Variants in TG observed in about 807,000 individuals in gnomAD.
TG encodes the protein thyroglobulin, also known as thyroid hormones.
A neutral mutation model predicts 324.7 loss-of-function variants in TG; 270 were observed. The observed-to-expected ratio is 0.83, with a 90% CI of 0.75 to 0.92. The LOEUF (loss-of-function observed/expected upper bound fraction) is 0.92. TG is among the 40% of genes least tolerant of loss of function. The pLI, the probability that TG is intolerant of heterozygous loss-of-function variation, is 0.00. For synonymous variants in TG, 1,401 were observed against 1,327.0 expected (o/e 1.06, Z -1.21); for missense variants, 3,591 against 3,456.4 (o/e 1.04, Z -0.98).
intron 11 of TG, among the ~76,000 whole-genome samples, chr8:132,894,461 C>CT (rs879482195): frequency 0.017 from 2,390 of 142,456 alleles, 49 homozygotes; most frequent in East Asian, 0.094. Context: ...GAACAGTATG[C>CT]TTTTTTTTTT....
chr8:132,881,766 T>C, intron 5 of TG, 97 bp from the exon 6 acceptor site: 1 of 832,012 alleles, frequency 1.2e-6, no homozygotes, highest in South Asian at 1.4e-5. Context: ...GACATTCCTT[T>C]TCACTAGGCG....
intron 4 of TG, 23 bp from the exon 5 acceptor site, chr8:132,873,039 T>A (rs759516171): frequency 9.3e-6 from 15 of 1,613,894 alleles, no homozygotes; most frequent in Middle Eastern, 1.6e-4. Context: ...ATATAAGGAT[T>A]TTTTTTTCGT....
chr8:133,126,237 G>A (rs1410499445), intron 45 of TG, among the ~76,000 whole-genome samples: 2 of 152,138 alleles, frequency 1.3e-5, no homozygotes, highest in Admixed American at 1.3e-4. Flanking sequence ...TAAACATAGT[G>A]CATGATCTAT....
intron 43 of TG, among the ~76,000 whole-genome samples, chr8:133,097,162 C>T (rs556681147): frequency 6.6e-6 from 1 of 152,310 alleles, no homozygotes; most frequent in Non-Finnish European, 1.5e-5. Context: ...TGACATGGGT[C>T]TCTGTTGGCT....
chr8:132,890,747 A>G (rs1378480746), intron 10 of TG, among the ~76,000 whole-genome samples: 1 of 152,238 alleles, frequency 6.6e-6, no homozygotes, highest in Non-Finnish European at 1.5e-5. Context: ...GGCACACAGG[A>G]AGTACTTAAT....
At chr8:133,038,934 G>A (rs1005211700) in intron 41 of TG, among the ~76,000 whole-genome samples, 5 of 152,168 alleles carry the variant, frequency 3.3e-5, no homozygotes, top group Non-Finnish European at 7.4e-5. Flanking sequence ...CTGGAGTGCA[G>A]TGGTGCAATC....
chr8:132,969,266 TA>T (rs200707041), intron 31 of TG, among the ~76,000 whole-genome samples, 191 bp from the exon 32 acceptor site: 1 of 152,038 alleles, frequency 6.6e-6, no homozygotes, highest in Non-Finnish European at 1.5e-5. Context: ...TCCACTTTTT[TA>T]AAAAAAATCT....
intron 3 of TG, 27 bp downstream of exon 3, chr8:132,869,853 G>A (rs560458492): frequency 8.7e-6 from 14 of 1,600,852 alleles, no homozygotes; most frequent in Non-Finnish European, 1.2e-5. Context: ...GACGTCCCTT[G>A]GAGGGACCCT....
intron 35 of TG, among the ~76,000 whole-genome samples, chr8:132,996,283 C>T (rs1832877265): frequency 6.6e-6 from 1 of 152,190 alleles, no homozygotes; most frequent in Non-Finnish European, 1.5e-5. Flanking sequence ...CCATTATTTG[C>T]TTCCTATGTG....
chr8:133,121,925 G>A (rs1851171677), intron 45 of TG, among the ~76,000 whole-genome samples: 1 of 151,994 alleles, frequency 6.6e-6, no homozygotes, highest in African/African-American at 2.4e-5. Flanking sequence ...TTGATTTTTG[G>A]CAAGTTTATC....
rs74400292 is a variant in TG at position 133,040,938 on chromosome 8, C to A, written c.7239+10915C>A. On this transcript the variant is annotated intron_variant, in intron 41 of 47. Transcript: ENST00000220616. ...TTTCTTTTTTCTCTTGCATGAAAAT[C>A]TCTGTATAAAATGTCTGACTCTCAG... Among the ~76,000 whole-genome samples the A allele has an allele frequency of 2.1e-3, 314 of 152,318 alleles. 1 individual carries two copies. Among genetic ancestry groups the A allele is most frequent in the African/African-American group, 6.9e-3 (287 of 41,568 alleles).
At chr8:133,043,330 T>C (rs1165889467) in intron 41 of TG, among the ~76,000 whole-genome samples, 3 of 152,178 alleles carry the variant, frequency 2.0e-5, no homozygotes, top group Non-Finnish European at 4.4e-5. Flanking sequence ...GCAAAACTTA[T>C]GGTCTCCACA....
rs749759406 is a variant in TG at position 132,898,928 on chromosome 8, C to T, written c.3330+18C>T. 3 of 1,605,340 alleles carry T rather than the reference C, an allele frequency of 1.9e-6. No homozygotes were observed. Among genetic ancestry groups the T allele is most frequent in the Middle Eastern group, 1.7e-4 (1 of 6,050 alleles). On this transcript the variant is annotated intron_variant, in intron 14 of 47. Transcript: ENST00000220616. ...GCCTAGAAGTAAGGGTCTGGAAGCA[C>T]AGGATTGGAGCCGGGACTTGTCCCC...
rs370933969 is a variant in TG at position 133,131,854 on chromosome 8, C to T, written c.7905C>T (p.Pro2635=). Reference sequence around the variant, plus strand: ...ATGTTCAGTTTGCCTTGGGGCTTCCCTTCTACCCAGCCTACGAGGGGCAGT... The same window carrying T: ...ATGTTCAGTTTGCCTTGGGGCTTCCTTTCTACCCAGCCTACGAGGGGCAGT... ...LADVQFALGL[P]FYPAYEGQFS... The change falls in exon 46 of 48, where the codon CCC becomes CCT. Residue 2635 remains proline (P), a synonymous_variant. Coordinates refer to ENST00000220616, the MANE Select transcript of TG (RefSeq NM_003235.5). The T allele has an allele frequency of 1.1e-5, 17 of 1,614,056 alleles. No individual in the cohort carries two copies. The African/African-American group carries it at 2.1e-4, about 20-fold the overall frequency.
chr8:132,946,374 A>G lies in TG; in HGVS notation c.5234-2402A>G, dbSNP rs1825295362. On this transcript the variant is annotated intron_variant, in intron 26 of 47. Coordinates refer to ENST00000220616, the MANE Select transcript of TG (RefSeq NM_003235.5). ...AAGTTTAACCTGTGATCTGTGAATT[A>G]TGTTGAACTAAACACTCACCTCGCA... Among the ~76,000 whole-genome samples, 3 of 152,172 alleles carry G rather than the reference A, an allele frequency of 2.0e-5. No homozygotes were observed. The East Asian group carries it at 5.8e-4, about 29-fold the overall frequency.
At chr8:132,967,592 G>A (rs2130463871) in intron 30 of TG, among the ~76,000 whole-genome samples, 1 of 152,244 alleles carries the variant, frequency 6.6e-6, no homozygotes, top group South Asian at 2.1e-4. Context: ...TTATTCAGGA[G>A]CACACGGCCC....
chr8:132,890,235 A>G (rs550365981), intron 10 of TG, among the ~76,000 whole-genome samples: 1 of 152,232 alleles, frequency 6.6e-6, no homozygotes, highest in South Asian at 2.1e-4. Flanking sequence ...TCACATTTCT[A>G]TTAATATTTT....
chr8:133,119,219 AT>A (rs1328598039), intron 45 of TG, among the ~76,000 whole-genome samples: 1 of 152,158 alleles, frequency 6.6e-6, no homozygotes, highest in Non-Finnish European at 1.5e-5. Flanking sequence ...AAGTGCTCTC[AT>A]TTCCCCGGAG....
chr8:132,943,509 T>A (rs1239235913), intron 26 of TG, among the ~76,000 whole-genome samples: 1 of 152,218 alleles, frequency 6.6e-6, no homozygotes, highest in African/African-American at 2.4e-5. Context: ...AACAGCCAAG[T>A]ACAATGCCCC....
Sources: gnomAD v4.1 joint callset for allele counts (sites outside exome capture counted in the v4.1 genomes callset) on GRCh38, gnomAD v4.1.1 for gene constraint, MANE v1.5 for transcripts, NCBI Gene and HGNC (gene_info 2026-07-23, HGNC 2026-07-21) for gene names.